Variants in UBAP1 observed in about 807,000 individuals in gnomAD.
The protein encoded by UBAP1 is ubiquitin associated protein 1.
A neutral mutation model predicts 39.0 loss-of-function variants in UBAP1; 5 were observed. The ratio of observed to expected loss-of-function variants is 0.13; its 90% CI spans 0.07 to 0.27. UBAP1 has a LOEUF of 0.27. Ranked by LOEUF, UBAP1 falls within the 10% of genes least tolerant of loss-of-function variation. The probability of loss-of-function intolerance (pLI) is 1.00; values close to 1 mark genes in which losing one functional copy is unlikely to be tolerated. For synonymous variants in UBAP1, 211 were observed against 225.1 expected (o/e 0.94, Z 0.56); for missense variants, 490 against 608.1 (o/e 0.81, Z 2.04).
intron 1 of UBAP1, among the ~76,000 whole-genome samples, chr9:34,182,601 CTTT>C (rs1214257908): frequency 6.7e-6 from 1 of 149,976 alleles, no homozygotes; most frequent in Non-Finnish European, 1.5e-5. Flanking sequence ...GTTCTTTTTT[CTTT>C]TTCTTTCTTT....
At chr9:34,197,573 A>G (rs1175950773) in intron 1 of UBAP1, among the ~76,000 whole-genome samples, 10 of 151,780 alleles carry the variant, frequency 6.6e-5, no homozygotes. Context: ...CTTTTGAGAC[A>G]GATTTTTGCT....
Position 34,245,999 on chromosome 9 carries a change from TA to T in UBAP1, c.1084-3779del, listed in dbSNP as rs781128223. Among the ~76,000 whole-genome samples, 12 of 152,364 alleles carry T rather than the reference TA, an allele frequency of 7.9e-5. 2 individuals are homozygous for T. In the South Asian group the frequency reaches 2.5e-3, roughly 32 times the overall value. On this transcript the variant is annotated intron_variant, in intron 4 of 6. Coordinates refer to ENST00000297661, the MANE Select transcript of UBAP1 (RefSeq NM_016525.5). ...TACTGAGATCTTGTCTTTGTTTCTT[TA>T]TTTAAAAAGAATAAGAAATATATTG...
At chr9:34,239,870 A>G (rs1334226170) in intron 3 of UBAP1, among the ~76,000 whole-genome samples, 1 of 152,054 alleles carries the variant, frequency 6.6e-6, no homozygotes, top group Non-Finnish European at 1.5e-5. Flanking sequence ...TTCTACTTTA[A>G]TATTTCTGCC....
chr9:34,244,156 A>AT (rs927883023), intron 4 of UBAP1, among the ~76,000 whole-genome samples: 3 of 151,526 alleles, frequency 2.0e-5, no homozygotes, highest in Non-Finnish European at 2.9e-5. Context: ...CATTCTTTCT[A>AT]TTTTTTTTGT....
chr9:34,182,620 T>TTTCC (rs1198098474), intron 1 of UBAP1, among the ~76,000 whole-genome samples: 2 of 29,256 alleles, frequency 6.8e-5, no homozygotes, highest in South Asian at 1.2e-3. Context: ...TCTTTCCTTC[T>TTTCC]TTCTTTCTTT....
intron 1 of UBAP1, among the ~76,000 whole-genome samples, chr9:34,214,407 A>G (rs931492818): frequency 1.3e-5 from 2 of 152,184 alleles, no homozygotes; most frequent in Non-Finnish European, 2.9e-5. Flanking sequence ...GCAAACAAAA[A>G]CATAAAGTGG....
chr9:34,229,352 G>C (rs765860626), intron 2 of UBAP1, among the ~76,000 whole-genome samples: 2 of 151,812 alleles, frequency 1.3e-5, no homozygotes, highest in Non-Finnish European at 2.9e-5. Context: ...CTGCATCCCA[G>C]GTTCAAGCGA....
intron 1 of UBAP1, among the ~76,000 whole-genome samples, chr9:34,214,821 C>T (rs918910673): frequency 6.6e-6 from 1 of 152,094 alleles, no homozygotes; most frequent in Non-Finnish European, 1.5e-5. Flanking sequence ...GGGCTAAGGA[C>T]ATGAATAGAC....
intron 1 of UBAP1, among the ~76,000 whole-genome samples, chr9:34,199,985 A>G (rs1205506309): frequency 6.6e-6 from 1 of 151,686 alleles, no homozygotes; most frequent in Admixed American, 6.6e-5. Flanking sequence ...TTCAGGATCC[A>G]ATCTAGGATA....
intron 1 of UBAP1, among the ~76,000 whole-genome samples, chr9:34,205,860 C>T (rs1375478070): frequency 2.0e-5 from 3 of 152,072 alleles, no homozygotes; most frequent in Admixed American, 6.6e-5. Context: ...GGTGTGGTGG[C>T]GGGCACCTGT....
chr9:34,251,369 C>T, intron 6 of UBAP1, 23 bp from the exon 7 acceptor site: 1 of 1,613,152 alleles, frequency 6.2e-7, no homozygotes, highest in Non-Finnish European at 8.5e-7. Context: ...TTTCTTTAAT[C>T]TGTGTTCTCT....
intron 1 of UBAP1, among the ~76,000 whole-genome samples, chr9:34,186,338 A>G (rs1830406207): frequency 1.3e-5 from 2 of 152,128 alleles, no homozygotes; most frequent in Admixed American, 6.6e-5. Flanking sequence ...AAGGGCCAAA[A>G]TTTGTATTTG....
chr9:34,233,237 T>TTTC (rs386414867), intron 2 of UBAP1, among the ~76,000 whole-genome samples: 14 of 151,378 alleles, frequency 9.2e-5, no homozygotes, highest in Admixed American at 2.6e-4. Flanking sequence ...TTTTTTTTTT[T>TTTC]TTGAGACAGA....
chr9:34,241,702 A>G lies in UBAP1; in HGVS notation c.677A>G (p.Lys226Arg), dbSNP rs574197954. The G allele has an allele frequency of 6.2e-7, 1 of 1,614,056 alleles. No homozygotes were observed. The highest frequency in any genetic ancestry group is 2.2e-5 in the East Asian group (1 of 44,876). The change falls in exon 4 of 7, where the codon AAG becomes AGG. Residue 226 changes from lysine to arginine, a missense_variant. By Grantham distance (26) the Lys-to-Arg change is conservative. This residue lies in a region of UBAP1 where 339 missense variants were observed against 390.0 expected (regional missense o/e 0.87). Coordinates refer to ENST00000297661, the MANE Select transcript of UBAP1 (RefSeq NM_016525.5). ...ASLERATLDF[K>R]PLHKPNGFIT... Reference sequence around the variant, plus strand: ...TTGGAACGGGCAACCCTAGATTTCAAGCCTCTTCATAAACCCAATGGCTTT... The same window carrying G: ...TTGGAACGGGCAACCCTAGATTTCAGGCCTCTTCATAAACCCAATGGCTTT...
At chr9:34,218,569 A>T (rs1015766029) in intron 1 of UBAP1, among the ~76,000 whole-genome samples, 5 of 152,164 alleles carry the variant, frequency 3.3e-5, no homozygotes, top group Non-Finnish European at 7.3e-5. Context: ...CAATTTAGGA[A>T]AACAGATTTC....
chr9:34,232,025 A>G (rs192453709), intron 2 of UBAP1, among the ~76,000 whole-genome samples: 10 of 152,146 alleles, frequency 6.6e-5, no homozygotes, highest in African/African-American at 2.2e-4. Context: ...TGGTAGTATT[A>G]ACTGGCTATT....
At chr9:34,186,387 C>T (rs1830408709) in intron 1 of UBAP1, among the ~76,000 whole-genome samples, 1 of 152,068 alleles carries the variant, frequency 6.6e-6, no homozygotes, top group Admixed American at 6.6e-5. Flanking sequence ...CTTGATTGGT[C>T]ATTATCAGTT....
At position 34,220,969 on chromosome 9, in the gene UBAP1, A is replaced by G. The variant is rs1265187581; in HGVS notation, c.34+21A>G. 4 of 1,607,832 alleles carry G rather than the reference A, an allele frequency of 2.5e-6. No homozygotes were observed. In the African/African-American group the frequency reaches 5.3e-5, roughly 21 times the overall value. ...TCATGGTAAGTGGACTATTAGAATC[A>G]TGGTTTAAGTTATGATTTGATCAGA... On this transcript the variant is annotated intron_variant, in intron 2 of 6. Transcript: ENST00000297661.
intron 1 of UBAP1, among the ~76,000 whole-genome samples, chr9:34,184,280 TG>T (rs1563882528): frequency 6.6e-6 from 1 of 151,972 alleles, no homozygotes; most frequent in Non-Finnish European, 1.5e-5. Context: ...GTGCTGACAC[TG>T]GGTATGTACT....
Sources: gnomAD v4.1 joint callset for allele counts (sites outside exome capture counted in the v4.1 genomes callset) on GRCh38, gnomAD v4.1.1 for gene constraint, gnomAD v4.1.1 regional missense constraint, MANE v1.5 for transcripts, NCBI Gene and HGNC (gene_info 2026-07-23, HGNC 2026-07-21) for gene names.